The following ZNF138 variants were observed in gnomAD, a reference collection of about 807,000 sequenced individuals.
ZNF138 encodes zinc finger protein 138, also known as zinc finger protein 138 (clone pHZ-32).
In ZNF138, 33 loss-of-function variants were observed where a neutral mutation model predicts 33.0. The ratio of observed to expected loss-of-function variants is 1.00; its 90% confidence interval spans 0.76 to 1.34. The LOEUF (loss-of-function observed/expected upper bound fraction) is 1.34. Among genes scored for constraint, ZNF138 ranks in the 40% most tolerant of loss-of-function variants. ZNF138 has a pLI of 0.00. For synonymous variants in ZNF138, 139 were observed against 120.4 expected (o/e 1.15, Z -1.01); for missense variants, 360 against 370.8 (o/e 0.97, Z 0.24).
chr7:64,838,469 T>C (rs1028705816), downstream of ZNF138, among the ~76,000 whole-genome samples: 12 of 152,154 alleles, frequency 7.9e-5, no homozygotes, highest in Non-Finnish European at 1.5e-4. Flanking sequence ...TGGGAGATCG[T>C]ACCTCTACCT....
At chr7:64,843,709 T>C in the ZNF138 span, among the ~76,000 whole-genome samples, 12 of 152,314 alleles carry the variant, frequency 7.9e-5, no homozygotes, top group African/African-American at 2.9e-4. Context: ...TCTCCATTTT[T>C]TTAGTTGTCT....
rs910666003 is a variant in ZNF138, at chr7:64,831,313, A to G, written c.209-138A>G. 9 of 941,788 alleles carry G rather than the reference A, an allele frequency of 9.6e-6. No homozygotes were observed. The African/African-American group carries it at 1.5e-4, about 16-fold the overall frequency. 58.3% of individuals were successfully genotyped at this position (941,788 alleles called of 1,614,324 possible). A position where few individuals can be genotyped will look rare whatever the true frequency, so the allele number is the denominator to read the frequency against. On this transcript the variant is annotated intron_variant, in intron 3 of 3. Coordinates refer to ENST00000307355, the MANE Select transcript of ZNF138 (RefSeq NM_001271639.2). ...ATGTTTTTGTTACATTTATATGTCTATAAAGGAATTAGAACCTGTGGTATT... is the reference window on the plus strand; with the variant it reads ...ATGTTTTTGTTACATTTATATGTCTGTAAAGGAATTAGAACCTGTGGTATT...
chr7:64,808,352 C>A (rs527573046), intron 1 of ZNF138, among the ~76,000 whole-genome samples: 2 of 152,270 alleles, frequency 1.3e-5, no homozygotes, highest in South Asian at 4.1e-4. Context: ...CTTGCATTTC[C>A]TATGGCCATT....
the ZNF138 span, chr7:64,852,868 T>C: frequency 1.1e-6 from 1 of 884,416 alleles, no homozygotes. Context: ...GGTTTAGTAC[T>C]GTTTGGCCGC....
chr7:64,839,875 A>T, the ZNF138 span, among the ~76,000 whole-genome samples: 14 of 151,980 alleles, frequency 9.2e-5, no homozygotes, highest in Admixed American at 1.3e-4. Flanking sequence ...AGAGGGCAAA[A>T]ATCTTCTTTA....
chr7:64,851,946 G>A, the ZNF138 span, among the ~76,000 whole-genome samples: 1 of 152,092 alleles, frequency 6.6e-6, no homozygotes, highest in East Asian at 1.9e-4. Flanking sequence ...CTGGGATGCC[G>A]TCATGTGCCA....
intron 1 of ZNF138, among the ~76,000 whole-genome samples, chr7:64,804,290 T>A (rs1787394563): frequency 2.0e-5 from 3 of 152,226 alleles, no homozygotes. Context: ...ATCCCTGTCC[T>A]GTTCTGTTCC....
chr7:64,811,579 C>G (rs1470563749), intron 1 of ZNF138, among the ~76,000 whole-genome samples: 1 of 152,180 alleles, frequency 6.6e-6, no homozygotes, highest in Non-Finnish European at 1.5e-5. Flanking sequence ...CTCCTGACCT[C>G]AGGTGATCCA....
At chr7:64,811,387 C>T (rs1301337044) in intron 1 of ZNF138, among the ~76,000 whole-genome samples, 1 of 152,152 alleles carries the variant, frequency 6.6e-6, no homozygotes, top group African/African-American at 2.4e-5. Context: ...CTGTTGTCGT[C>T]TAGGCTGGAG....
downstream of ZNF138, among the ~76,000 whole-genome samples, chr7:64,837,482 C>G (rs143570773): frequency 0.013 from 1,965 of 152,070 alleles, 40 homozygotes; most frequent in African/African-American, 0.044. Context: ...TCACAGGGAG[C>G]TCTTGAAAGA....
At chr7:64,837,493 G>A (rs548440089), downstream of ZNF138, among the ~76,000 whole-genome samples, 3 of 152,270 alleles carry the variant, frequency 2.0e-5, no homozygotes, top group Non-Finnish European at 2.9e-5. Context: ...TCTTGAAAGA[G>A]GAAGGGGCGC....
intron 1 of ZNF138, among the ~76,000 whole-genome samples, chr7:64,800,778 A>G (rs879280658): frequency 1.4e-4 from 22 of 152,060 alleles, no homozygotes; most frequent in Non-Finnish European, 2.6e-4. Context: ...TTTTTTATAC[A>G]TCTTGTAGAA....
the ZNF138 span, among the ~76,000 whole-genome samples, chr7:64,840,505 CAT>C: frequency 1.3e-4 from 20 of 152,062 alleles, no homozygotes; most frequent in South Asian, 3.9e-3. Context: ...TTGATACAGT[CAT>C]ATAATTTATG....
chr7:64,812,053 T>A (rs1788215478), intron 1 of ZNF138, among the ~76,000 whole-genome samples: 1 of 152,254 alleles, frequency 6.6e-6, no homozygotes, highest in African/African-American at 2.4e-5. Flanking sequence ...CTGTTTATTA[T>A]TCTGGGTGGA....
At position 64,819,920 on chromosome 7, in the gene ZNF138, T is replaced by A. The variant is rs996380594; in HGVS notation, c.208+4267T>A. 9.3e-5 allele frequency among the ~76,000 whole-genome samples: 14 copies of A among 150,850 alleles called. No individual in the cohort carries two copies. In the South Asian group the frequency reaches 2.9e-3, roughly 31 times the overall value. ...ATTCAACTACAAATTTTTTTTTTTT[T>A]TTAATAGCCAGGCATGGTCTTGTCC... is the stretch of plus-strand genomic sequence containing the variant. On this transcript the variant is annotated intron_variant, in intron 3 of 3. Coordinates refer to ENST00000307355, the MANE Select transcript of ZNF138 (RefSeq NM_001271639.2).
At chr7:64,815,869 T>C (rs995398110) in intron 3 of ZNF138, among the ~76,000 whole-genome samples, 16 of 89,784 alleles carry the variant, frequency 1.8e-4, no homozygotes, top group Admixed American at 1.5e-3. Flanking sequence ...TTCTTCAAGT[T>C]CACAGTGAGA....
chr7:64,803,969 C>T (rs1171386748), intron 1 of ZNF138, among the ~76,000 whole-genome samples: 1 of 152,088 alleles, frequency 6.6e-6, no homozygotes, highest in Non-Finnish European at 1.5e-5. Context: ...GATGTGGCCA[C>T]CCAAAAACCG....
At chr7:64,838,117 C>G (rs1790414621), downstream of ZNF138, among the ~76,000 whole-genome samples, 1 of 151,032 alleles carries the variant, frequency 6.6e-6, no homozygotes, top group Non-Finnish European at 1.5e-5. Flanking sequence ...TGAAGCATTA[C>G]CCTGGGCTCG....
rs761854569 is a variant in ZNF138 at position 64,815,029 on chromosome 7, A to G, written c.115A>G (p.Asn39Asp). The G allele has an allele frequency of 6.8e-6, 11 of 1,607,304 alleles. No individual in the cohort carries two copies. Among genetic ancestry groups the G allele is most frequent in the Non-Finnish European group, 9.3e-6 (11 of 1,177,408 alleles). Residue 39 changes from asparagine (N) to aspartate (D), a missense_variant, in exon 2 of 4, where the codon AAC becomes GAC. Physicochemically the swap from Asn to Asp is conservative, Grantham distance 23 (BLOSUM62 1). Coordinates refer to ENST00000307355, the MANE Select transcript of ZNF138 (RefSeq NM_001271639.2). ...YRHVMLENYR[N>D]LVFLDLITCL... ...GCATGTGATGTTAGAGAACTACAGAAACCTGGTTTTCTTGGGTGAGAATAA... is the reference window on the plus strand; with the variant it reads ...GCATGTGATGTTAGAGAACTACAGAGACCTGGTTTTCTTGGGTGAGAATAA...
Sources: gnomAD v4.1 joint callset for allele counts (sites outside exome capture counted in the v4.1 genomes callset) on GRCh38, gnomAD v4.1.1 for gene constraint, MANE v1.5 for transcripts, NCBI Gene and HGNC (gene_info 2026-07-23, HGNC 2026-07-21) for gene names.